The following WASHC2C variants were observed in gnomAD, a reference collection of about 807,000 sequenced individuals.
WASHC2C encodes Vaccinia Penetration Factor.
In WASHC2C, 73 loss-of-function variants were observed where a neutral mutation model predicts 142.2. That is an observed-to-expected ratio of 0.51 (90% confidence interval 0.43 to 0.62). WASHC2C has a LOEUF of 0.62. WASHC2C is among the 20% of genes least tolerant of loss of function. The pLI, the probability that WASHC2C is intolerant of heterozygous loss-of-function variation, is 0.00. For synonymous variants in WASHC2C, 337 were observed against 565.5 expected (o/e 0.60, Z 5.73); for missense variants, 969 against 1,531.7 (o/e 0.63, Z 6.13).
intron 26 of WASHC2C, chr10:45,786,377 T>G (rs570944292): frequency 3.2e-6 from 2 of 616,062 alleles, no homozygotes; most frequent in South Asian, 3.9e-5. Flanking sequence ...ACTCATCTTG[T>G]ATTCCTTGAC....
At position 45,741,293 on chromosome 10, in the gene WASHC2C, G is replaced by A. The variant is rs1416757288; in HGVS notation, c.528+1047G>A. Among the ~76,000 whole-genome samples the A allele has an allele frequency of 2.6e-5, 4 of 152,126 alleles. No homozygotes were observed. In the East Asian group the frequency reaches 7.7e-4, roughly 29 times the overall value. ...TCTGTAGCTGCACATTTCTCTTCCA[G>A]TTTGAGCTTTGCTGAGTCACACCAA... is the stretch of plus-strand genomic sequence containing the variant. On this transcript the variant is annotated intron_variant, in intron 5 of 30. Transcript: ENST00000623400.
In WASHC2C at chr10:45,789,187, T is replaced by C. The variant is rs1247100417; in HGVS notation, c.3404T>C (p.Ile1135Thr). The stretch of plus-strand genomic sequence containing the variant: ...GCTGACCTTTTTGATTCTGGGGACA[T>C]TTTTTCCACGGGCACTGGATCTCAG... The part of the protein sequence containing the change: ...GEADLFDSGD[I>T]FSTGTGSQSV... Residue 1135 changes from isoleucine to threonine, a missense_variant, in exon 29 of 31, where the codon ATT becomes ACT. Transcript: ENST00000623400. 6 of 1,611,886 alleles carry C rather than the reference T, an allele frequency of 3.7e-6. No individual in the cohort carries two copies. In the African/African-American group the frequency reaches 6.7e-5, roughly 18 times the overall value.
At chr10:45,728,326 G>A (rs1322376015) in intron 2 of WASHC2C, among the ~76,000 whole-genome samples, 1 of 152,090 alleles carries the variant, frequency 6.6e-6, no homozygotes, top group African/African-American at 2.4e-5. Context: ...ACCATACCCA[G>A]TGCCAAAAAG....
intron 17 of WASHC2C, among the ~76,000 whole-genome samples, chr10:45,761,688 C>A (rs1456217396): frequency 5.3e-5 from 8 of 152,150 alleles, no homozygotes; most frequent in African/African-American, 1.9e-4. Context: ...TTTGGGGGAA[C>A]ATATTTGAGG....
chr10:45,752,263 G>T (rs1554875037), intron 11 of WASHC2C, among the ~76,000 whole-genome samples: 3 of 152,288 alleles, frequency 2.0e-5, no homozygotes, highest in Non-Finnish European at 1.5e-5. Context: ...CCCCAGATTG[G>T]TTGGGGAATG....
chr10:45,770,128 C>G (rs2056430603), intron 20 of WASHC2C, among the ~76,000 whole-genome samples: 1 of 151,088 alleles, frequency 6.6e-6, no homozygotes, highest in Non-Finnish European at 1.5e-5. Flanking sequence ...GTAGTCCCAG[C>G]TACTTGGGAG....
intron 29 of WASHC2C, 130 bp from the exon 30 acceptor site, chr10:45,790,226 G>T: frequency 6.8e-7 from 1 of 1,464,530 alleles, no homozygotes; most frequent in South Asian, 1.3e-5. Context: ...TGCATCCCAG[G>T]CAGAGTGGGC....
chr10:45,790,285 T>TGTTGA, intron 29 of WASHC2C, 71 bp from the exon 30 acceptor site: 1 of 1,607,140 alleles, frequency 6.2e-7, no homozygotes, highest in Non-Finnish European at 8.5e-7. Flanking sequence ...TTCCATAGCT[T>TGTTGA]GTTGACGTGT....
chr10:45,786,801 C>G, intron 27 of WASHC2C, 127 bp downstream of exon 27: 1 of 1,560,724 alleles, frequency 6.4e-7, no homozygotes. Flanking sequence ...TCCCCTGCAC[C>G]TAGTTGTTGT....
At chr10:45,751,117 T>C (rs1260616969) in intron 10 of WASHC2C, among the ~76,000 whole-genome samples, 1 of 152,076 alleles carries the variant, frequency 6.6e-6, no homozygotes, top group Non-Finnish European at 1.5e-5. Context: ...CAGAGAACCA[T>C]GGGCAACAGC....
intron 13 of WASHC2C, among the ~76,000 whole-genome samples, chr10:45,753,883 G>T (rs1163309867): frequency 1.3e-5 from 2 of 148,604 alleles, no homozygotes; most frequent in African/African-American, 2.5e-5. Flanking sequence ...GTTTGTGGTA[G>T]TTCTTGGGAC....
intron 4 of WASHC2C, among the ~76,000 whole-genome samples, chr10:45,739,607 G>GT (rs199640318): frequency 0.041 from 5,879 of 142,584 alleles, 106 homozygotes; most frequent in African/African-American, 0.064. Context: ...TAATTGTCCA[G>GT]TTTTTTTTTT....
chr10:45,757,888 T>G (rs1468245315), intron 16 of WASHC2C, among the ~76,000 whole-genome samples: 1 of 152,240 alleles, frequency 6.6e-6, no homozygotes, highest in African/African-American at 2.4e-5. Context: ...CGGCCCGGCT[T>G]CTAACAGGCC....
At chr10:45,744,510 C>A (rs2052560607) in intron 6 of WASHC2C, among the ~76,000 whole-genome samples, 1 of 149,068 alleles carries the variant, frequency 6.7e-6, no homozygotes, top group Non-Finnish European at 1.5e-5. Context: ...ATTTGGTTGT[C>A]AAATCTTCAG....
At position 45,787,132 on chromosome 10, in the gene WASHC2C, C is replaced by T. The variant is rs1479663122; in HGVS notation, c.2972C>T (p.Ser991Phe). 6 of 1,591,612 alleles carry T rather than the reference C, an allele frequency of 3.8e-6. No individual in the cohort carries two copies. The Admixed American group carries it at 8.6e-5, about 23-fold the overall frequency. Reference protein sequence around the residue: ...PVLPELAFPSSEHRRSHGLES... With the variant: ...PVLPELAFPSFEHRRSHGLES... ...TTGCCAGAATTGGCTTTTCCTTCAT[C>T]TGAACACAGAAGGAGCCACGGTCTG... Residue 991 changes from serine (S) to phenylalanine (F), a missense_variant, in exon 28 of 31, where the codon TCT becomes TTT. Transcript: ENST00000623400.
At chr10:45,734,338 A>G (rs2050955233) in intron 3 of WASHC2C, among the ~76,000 whole-genome samples, 1 of 150,538 alleles carries the variant, frequency 6.6e-6, no homozygotes, top group African/African-American at 2.4e-5. Context: ...TTGTTTTTTA[A>G]CTTTAACCTT....
At chr10:45,735,879 T>C (rs1407347110) in intron 3 of WASHC2C, among the ~76,000 whole-genome samples, 4 of 152,184 alleles carry the variant, frequency 2.6e-5, no homozygotes, top group Non-Finnish European at 5.9e-5. Context: ...TACGCATTTG[T>C]GCATAGAATC....
chr10:45,762,826 A>T (rs868991681), intron 17 of WASHC2C, among the ~76,000 whole-genome samples: 1 of 152,268 alleles, frequency 6.6e-6, no homozygotes, highest in Middle Eastern at 3.4e-3. Flanking sequence ...GAATGGTGTG[A>T]ATCCGGGAGG....
At chr10:45,791,975 G>T (rs1435561860) in intron 30 of WASHC2C, among the ~76,000 whole-genome samples, 1 of 145,722 alleles carries the variant, frequency 6.9e-6, no homozygotes, top group East Asian at 1.9e-4. Flanking sequence ...GCGTGGGCTG[G>T]TTTGGAGATC....
Sources: gnomAD v4.1 joint callset for allele counts (sites outside exome capture counted in the v4.1 genomes callset) on GRCh38, gnomAD v4.1.1 for gene constraint, MANE v1.5 for transcripts, NCBI Gene and HGNC (gene_info 2026-07-23, HGNC 2026-07-21) for gene names.